The following STX18 variants were observed in gnomAD, a reference collection of about 807,000 sequenced individuals.
STX18 encodes syntaxin 18.
Under a neutral mutation model 50.1 loss-of-function variants are expected in STX18, and 40 were observed. The ratio of observed to expected loss-of-function variants is 0.80; its 90% CI spans 0.62 to 1.04. STX18 has a LOEUF of 1.04. Among genes scored for constraint, STX18 ranks in the 50% least tolerant of loss-of-function variants. STX18 has a pLI of 0.00. For synonymous variants in STX18, 158 were observed against 151.8 expected (o/e 1.04, Z -0.30); for missense variants, 410 against 415.8 (o/e 0.99, Z 0.12).
At chr4:4,471,488 T>G in intron 2 of STX18, 151 bp downstream of exon 2, 1 of 534,074 alleles carries the variant, frequency 1.9e-6, no homozygotes. Context: ...CAGAGCCTTT[T>G]GCTTTGAGGA....
intron 1 of STX18, among the ~76,000 whole-genome samples, chr4:4,497,670 G>A (rs1371756050): frequency 6.6e-6 from 1 of 152,154 alleles, no homozygotes; most frequent in Non-Finnish European, 1.5e-5. Flanking sequence ...CTAGTACATA[G>A]CAGAACTGGA....
At chr4:4,512,326 T>G (rs1560202847) in intron 1 of STX18, among the ~76,000 whole-genome samples, 1 of 151,816 alleles carries the variant, frequency 6.6e-6, no homozygotes, top group Admixed American at 6.6e-5. Context: ...TTCTTTTTCC[T>G]AATTCCAATT....
At chr4:4,468,138 T>C (rs1386484373) in intron 2 of STX18, among the ~76,000 whole-genome samples, 2 of 152,198 alleles carry the variant, frequency 1.3e-5, no homozygotes, top group Non-Finnish European at 2.9e-5. Flanking sequence ...CTTTTTCTCT[T>C]TTCTCCCTAG....
rs1727149716 is a variant in STX18 at position 4,457,620 on chromosome 4, A to G, written c.353-120T>C. The G allele has an allele frequency of 1.4e-5, 10 of 726,208 alleles. No individual in the cohort carries two copies. The East Asian group carries it at 2.7e-4, about 19-fold the overall frequency. 45.0% of individuals were successfully genotyped at this position (726,208 alleles called of 1,614,324 possible). On this transcript the variant is annotated intron_variant, in intron 3 of 10. Coordinates refer to ENST00000306200, the MANE Select transcript of STX18 (RefSeq NM_016930.4). ...ATTTTTTAAAACACAGCTATAAAAC[A>G]AGTCTTGTGCCAAGTGACACTACAT...
intron 2 of STX18, among the ~76,000 whole-genome samples, chr4:4,464,153 A>T (rs529800470): frequency 6.6e-6 from 1 of 152,324 alleles, no homozygotes; most frequent in South Asian, 2.1e-4. Context: ...ATGTTATCTT[A>T]TCTGTCAAAT....
chr4:4,468,253 C>T (rs1172418497), intron 2 of STX18, among the ~76,000 whole-genome samples: 3 of 152,202 alleles, frequency 2.0e-5, no homozygotes, highest in African/African-American at 7.2e-5. Context: ...CACGTCCCCT[C>T]CCTTTCTCAC....
At chr4:4,542,149 A>G, upstream of STX18, 1 of 734,842 alleles carries the variant, frequency 1.4e-6, no homozygotes, top group African/African-American at 1.9e-5. Context: ...TTCCGGCCTC[A>G]GCCGGCGCAC....
At chr4:4,537,190 G>A (rs1397828886) in intron 1 of STX18, among the ~76,000 whole-genome samples, 1 of 152,132 alleles carries the variant, frequency 6.6e-6, no homozygotes, top group East Asian at 1.9e-4. Flanking sequence ...GCATCTCTAG[G>A]CCTATCCTCA....
intron 1 of STX18, among the ~76,000 whole-genome samples, chr4:4,477,592 C>T (rs377312418): frequency 2.0e-5 from 3 of 152,136 alleles, no homozygotes; most frequent in African/African-American, 7.2e-5. Context: ...ATGAGAAAAC[C>T]GAGTCAGAGA....
At chr4:4,513,283 C>T (rs1429872694) in intron 1 of STX18, among the ~76,000 whole-genome samples, 1 of 152,190 alleles carries the variant, frequency 6.6e-6, no homozygotes, top group Non-Finnish European at 1.5e-5. Context: ...TCAGCTTTGC[C>T]TTAGGCAAGC....
intron 5 of STX18, among the ~76,000 whole-genome samples, chr4:4,439,659 G>A (rs571158186): frequency 3.6e-5 from 5 of 140,538 alleles, no homozygotes; most frequent in African/African-American, 8.0e-5. Context: ...ACCCACACAC[G>A]TATATGTTCT....
intron 1 of STX18, among the ~76,000 whole-genome samples, chr4:4,508,337 T>C (rs1729829703): frequency 6.6e-6 from 1 of 152,160 alleles, no homozygotes; most frequent in East Asian, 1.9e-4. Flanking sequence ...CCTTCTTGCC[T>C]CCCATTTATG....
intron 5 of STX18, among the ~76,000 whole-genome samples, chr4:4,444,410 TA>T (rs35045364): frequency 5.3e-5 from 8 of 152,210 alleles, no homozygotes; most frequent in African/African-American, 1.7e-4. Flanking sequence ...TACGGCCTGC[TA>T]TGCTAGCACT....
chr4:4,430,879 C>A (rs1560159557), intron 7 of STX18, among the ~76,000 whole-genome samples: 1 of 152,134 alleles, frequency 6.6e-6, no homozygotes, highest in Non-Finnish European at 1.5e-5. Flanking sequence ...GATTTCTTGC[C>A]TCAGCTTACA....
intron 5 of STX18, among the ~76,000 whole-genome samples, chr4:4,446,766 T>C (rs1348890519): frequency 1.3e-5 from 2 of 152,230 alleles, no homozygotes; most frequent in Admixed American, 1.3e-4. Flanking sequence ...AAGAAACATC[T>C]CTACTATGAC....
At chr4:4,499,345 A>G (rs986850733) in intron 1 of STX18, 5 of 212,900 alleles carry the variant, frequency 2.3e-5, no homozygotes, top group African/African-American at 1.2e-4. Flanking sequence ...TACAGTAGTA[A>G]GAAGTTATTA....
At chr4:4,542,186 G>T, upstream of STX18, 1 of 516,806 alleles carries the variant, frequency 1.9e-6, no homozygotes, top group Non-Finnish European at 3.3e-6. Flanking sequence ...CTCGCGACGC[G>T]CTCTCGGGCA....
intron 1 of STX18, among the ~76,000 whole-genome samples, chr4:4,475,000 A>C (rs1728105013): frequency 6.6e-6 from 1 of 152,198 alleles, no homozygotes; most frequent in Non-Finnish European, 1.5e-5. Context: ...AGAAGCCATA[A>C]AGTTTTCCAT....
intron 1 of STX18, among the ~76,000 whole-genome samples, chr4:4,503,358 T>A (rs62289848): frequency 0.15 from 23,450 of 152,190 alleles, 1,857 homozygotes; most frequent in Non-Finnish European, 0.18. Flanking sequence ...ATGCATCACC[T>A]TGAGAGGCTC....
Sources: gnomAD v4.1 joint callset for allele counts (sites outside exome capture counted in the v4.1 genomes callset) on GRCh38, gnomAD v4.1.1 for gene constraint, MANE v1.5 for transcripts, NCBI Gene and HGNC (gene_info 2026-07-23, HGNC 2026-07-21) for gene names.